Variants in ZNRD2 observed in about 807,000 individuals in gnomAD.
ZNRD2 encodes protein ZNRD2.
ZNRD2 carries 16 observed loss-of-function variants against 22.0 expected under a neutral mutation model. The ratio of observed to expected loss-of-function variants is 0.73; its 90% CI spans 0.49 to 1.11. The LOEUF (loss-of-function observed/expected upper bound fraction) is 1.11, where lower values mean the gene tolerates loss of function less well. ZNRD2 is among the 50% of genes least tolerant of loss of function. The probability of loss-of-function intolerance (pLI) is 0.00; values close to 1 mark genes in which losing one functional copy is unlikely to be tolerated. For synonymous variants in ZNRD2, 105 were observed against 109.8 expected, an observed-to-expected ratio of 0.96 and a Z score of 0.27; for missense variants, 269 against 258.9, an observed-to-expected ratio of 1.04 and a Z score of -0.27.
In ZNRD2 at chr11:65,570,740, G is replaced by C; in HGVS notation, c.156G>C (p.Thr52=). ...LLRGYRMLGE[T]CADCGTILLQ... is the part of the protein sequence containing the mutation. ...GCGGTTACCGCATGCTGGGCGAGAC[G>C]TGTGCGGACTGCGGGGTGAGGCGAG... Residue 52 remains threonine (T), a synonymous_variant, in exon 2 of 4, where the codon ACG becomes ACC. Transcript: ENST00000309328. 1 of 1,613,844 alleles carries C rather than the reference G, an allele frequency of 6.2e-7. No homozygotes were observed. Among genetic ancestry groups the C allele is most frequent in the Non-Finnish European group, 8.5e-7 (1 of 1,179,912 alleles).
chr11:65,571,598 C>G lies in ZNRD2; in HGVS notation c.464C>G (p.Thr155Arg). ...ACAGATGTCATGGCCTGCACACAGA[C>G]AGCCCTCTTGCAGAAGCTGACCTGG... ...PNTDVMACTQ[T>R]ALLQKLTWAS... The change falls in exon 4 of 4, where the codon ACA becomes AGA. Residue 155 changes from threonine (T) to arginine (R), a missense_variant. Coordinates refer to ENST00000309328, the MANE Select transcript of ZNRD2 (RefSeq NM_006396.3). 1 of 1,614,124 alleles carries G rather than the reference C, an allele frequency of 6.2e-7. No homozygotes were observed. The highest frequency in any genetic ancestry group is 8.5e-7 in the Non-Finnish European group (1 of 1,180,038).
chr11:65,571,498 C>A lies in ZNRD2; in HGVS notation c.364C>A (p.Pro122Thr). 6.2e-7 allele frequency: 1 copy of A among 1,613,886 alleles called. No individual in the cohort carries two copies. The highest frequency in any genetic ancestry group is 1.1e-5 in the South Asian group (1 of 91,092). Residue 122 changes from proline to threonine, a missense_variant, in exon 4 of 4, where the codon CCG becomes ACG. Transcript: ENST00000309328. ...TGCGCCCCAGCCCCCAGTACCTCGT[C>A]CGGAGCACTGTGAGGGAGCTGCAGC... ...RPAPQPPVPRPEHCEGAAAGL... is the reference protein window; with the variant it reads ...RPAPQPPVPRTEHCEGAAAGL...
intron 2 of ZNRD2, 33 bp downstream of exon 2, chr11:65,570,788 G>C: frequency 6.2e-7 from 1 of 1,612,614 alleles, no homozygotes; most frequent in South Asian, 1.1e-5. Context: ...GACCGGGGAT[G>C]GGTCCGCGGG....
Position 65,570,956 on chromosome 11 carries a change from A to G in ZNRD2, c.242A>G (p.Asp81Gly). ...TGTCAGGAACTCGACTCAGACGTGGATAAAGATAATCCCGGTAAGAGTAAA... is the reference window on the plus strand; with the variant it reads ...TGTCAGGAACTCGACTCAGACGTGGGTAAAGATAATCCCGGTAAGAGTAAA... ...VACQELDSDVDKDNPALNAQA... is the reference protein window; with the variant it reads ...VACQELDSDVGKDNPALNAQA... The change falls in exon 3 of 4, where the codon GAT (aspartate) becomes GGT (glycine). Residue 81 changes from aspartate to glycine, a missense_variant. By Grantham distance (94) the Asp-to-Gly change is moderately conservative (BLOSUM62 -1). Coordinates refer to ENST00000309328, the MANE Select transcript of ZNRD2 (RefSeq NM_006396.3). The G allele has an allele frequency of 6.2e-7, 1 of 1,614,130 alleles. No homozygotes were observed. Among genetic ancestry groups the G allele is most frequent in the Non-Finnish European group, 8.5e-7 (1 of 1,179,982 alleles).
At position 65,571,285 on chromosome 11, in the gene ZNRD2, G is replaced by A. The variant is rs985654170; in HGVS notation, c.257-106G>A. ...GGATGAGTTGCCTTATAGAGGGACA[G>A]GGAAAACACCTCAAGCACAGAAAGA... is the stretch of plus-strand genomic sequence containing the variant. On this transcript the variant is annotated intron_variant, in intron 3 of 3. Coordinates refer to ENST00000309328, the MANE Select transcript of ZNRD2 (RefSeq NM_006396.3). 1.1e-5 allele frequency: 15 copies of A among 1,410,904 alleles called. No individual in the cohort carries two copies. In the African/African-American group the frequency reaches 2.0e-4, roughly 19 times the overall value. The allele number at this position is 1,410,904 out of a possible 1,614,324, so 87.4% of individuals were successfully genotyped here.
chr11:65,571,262 A>G (rs1857120029), intron 3 of ZNRD2, 129 bp from the exon 4 acceptor site: 2 of 1,182,210 alleles, frequency 1.7e-6, no homozygotes, highest in African/African-American at 3.1e-5. Flanking sequence ...TAGAAAGTGG[A>G]TGAGTTGCCT....
chr11:65,570,522 G>A lies in ZNRD2; in HGVS notation c.19+12G>A, dbSNP rs758107003. ...CCTGAACGGAGCTGGTGAGGACCTG[G>A]GCGGCAGGGGTTTGTGGCTGTGAGG... On this transcript the variant is annotated intron_variant, in intron 1 of 3. Coordinates refer to ENST00000309328, the MANE Select transcript of ZNRD2 (RefSeq NM_006396.3). 1.2e-6 allele frequency: 2 copies of A among 1,613,992 alleles called. No homozygotes were observed. The highest frequency in any genetic ancestry group is 1.7e-4 in the Middle Eastern group (1 of 6,046).
In ZNRD2 at chr11:65,571,756, C is replaced by T. The variant is rs779371920; in HGVS notation, c.*22C>T. 1.3e-6 allele frequency: 2 copies of T among 1,556,168 alleles called. No individual in the cohort carries two copies. The highest frequency in any genetic ancestry group is 2.0e-5 in the Admixed American group (1 of 50,896). On this transcript the variant is annotated 3_prime_UTR_variant, in exon 4 of 4. Transcript: ENST00000309328. ...CTAAGAGAAGCCCCTGAGAAAAACC[C>T]TCTAGAAAAACAGCTGTTCCTCTGT...
At chr11:65,571,010 C>A in intron 3 of ZNRD2, 40 bp downstream of exon 3, 2 of 1,576,660 alleles carry the variant, frequency 1.3e-6, no homozygotes, top group Non-Finnish European at 1.7e-6. Flanking sequence ...GCCGGATATG[C>A]TTAGGGGGGA....
Position 65,571,403 on chromosome 11 carries a change from AGGCTGCCCT to A in ZNRD2, c.270_278del (p.Gln90_Leu93delinsHis). On this transcript the variant is annotated inframe_deletion, in exon 4 of 4. Coordinates refer to ENST00000309328, the MANE Select transcript of ZNRD2 (RefSeq NM_006396.3). ...CTCCTCTTTTTAGCTCTGAATGCCC[AGGCTGCCCT>A]CTCCCAAGCTCGGGAGCACCAGCTG... 6.3e-7 allele frequency: 1 copy of A among 1,597,624 alleles called. No homozygotes were observed. The highest frequency in any genetic ancestry group is 1.1e-5 in the South Asian group (1 of 90,106).
chr11:65,571,784 G>T lies in ZNRD2; in HGVS notation c.*50G>T. The T allele has an allele frequency of 1.3e-6, 2 of 1,493,374 alleles. No individual in the cohort carries two copies. The highest frequency in any genetic ancestry group is 2.7e-5 in the South Asian group (2 of 74,834). 92.5% of individuals were successfully genotyped at this position (1,493,374 alleles called of 1,614,324 possible). A position where few individuals can be genotyped will look rare whatever the true frequency, so the allele number is the denominator to read the frequency against. On this transcript the variant is annotated 3_prime_UTR_variant, in exon 4 of 4. Coordinates refer to ENST00000309328, the MANE Select transcript of ZNRD2 (RefSeq NM_006396.3). ...TAGAAAAACAGCTGTTCCTCTGTGT[G>T]GTTTGTTTTTTTCCTGGTTCCAAGT...
intron 3 of ZNRD2, 72 bp from the exon 4 acceptor site, chr11:65,571,319 G>C: frequency 6.6e-7 from 1 of 1,507,066 alleles, no homozygotes; most frequent in Non-Finnish European, 8.9e-7. Flanking sequence ...GAGCAGAGCA[G>C]AAAAGGAGAT....
chr11:65,570,860 G>C, intron 2 of ZNRD2, 26 bp from the exon 3 acceptor site: 1 of 1,613,984 alleles, frequency 6.2e-7, no homozygotes, highest in Non-Finnish European at 8.5e-7. Context: ...GTCTCATTCC[G>C]GCCCCGTGTG....
rs1163736532 is a variant in ZNRD2, at chr11:65,570,990, C to T, written c.256+20C>T. On this transcript the variant is annotated intron_variant, in intron 3 of 3. Transcript: ENST00000309328. The stretch of plus-strand genomic sequence containing the variant: ...ATCCCGGTAAGAGTAAAAAATAATC[C>T]GGGAGAGGGGCCGGATATGCTTAGG... 11 of 1,609,670 alleles carry T rather than the reference C, an allele frequency of 6.8e-6. No homozygotes were observed. The highest frequency in any genetic ancestry group is 1.3e-5 in the African/African-American group (1 of 74,794).
intron 3 of ZNRD2, 54 bp from the exon 4 acceptor site, chr11:65,571,337 G>A: frequency 6.5e-7 from 1 of 1,532,534 alleles, no homozygotes. Flanking sequence ...GATGGCTCAG[G>A]GCTGAGGTGG....
intron 3 of ZNRD2, 44 bp from the exon 4 acceptor site, chr11:65,571,347 G>C: frequency 6.5e-7 from 1 of 1,538,016 alleles, no homozygotes. Flanking sequence ...GGCTGAGGTG[G>C]GCCAGGCATC....
In ZNRD2 at chr11:65,571,789, GTTT is replaced by G; in HGVS notation, c.*60_*62del. 6.7e-7 allele frequency: 1 copy of G among 1,484,778 alleles called. No individual in the cohort carries two copies. Among genetic ancestry groups the G allele is most frequent in the Non-Finnish European group, 9.0e-7 (1 of 1,116,662 alleles). The allele number at this position is 1,484,778 out of a possible 1,614,324, so 92.0% of individuals were successfully genotyped here. A position where few individuals can be genotyped will look rare whatever the true frequency, so the allele number is the denominator to read the frequency against. ...AAACAGCTGTTCCTCTGTGTGGTTTGTTTTTTTCCTGGTTCCAAGTGTGCATGC... is the reference window on the plus strand; with the variant it reads ...AAACAGCTGTTCCTCTGTGTGGTTTGTTTTCCTGGTTCCAAGTGTGCATGC... On this transcript the variant is annotated 3_prime_UTR_variant, in exon 4 of 4. Transcript: ENST00000309328.
intron 2 of ZNRD2, 36 bp from the exon 3 acceptor site, chr11:65,570,850 G>C: frequency 6.2e-7 from 1 of 1,613,704 alleles, no homozygotes; most frequent in Admixed American, 1.7e-5. Flanking sequence ...CATTGCCGGC[G>C]TCTCATTCCG....
At position 65,571,425 on chromosome 11, in the gene ZNRD2, G is replaced by C; in HGVS notation, c.291G>C (p.Arg97=). ...LNAQAALSQA[R]EHQLASASEL... Reference sequence around the variant, plus strand: ...CCCAGGCTGCCCTCTCCCAAGCTCGGGAGCACCAGCTGGCCTCAGCCTCAG... The same window carrying C: ...CCCAGGCTGCCCTCTCCCAAGCTCGCGAGCACCAGCTGGCCTCAGCCTCAG... The change falls in exon 4 of 4, where the codon CGG becomes CGC. Residue 97 remains arginine, a synonymous_variant. Transcript: ENST00000309328. 1.9e-6 allele frequency: 3 copies of C among 1,608,694 alleles called. No individual in the cohort carries two copies. The highest frequency in any genetic ancestry group is 2.6e-6 in the Non-Finnish European group (3 of 1,176,436).
Sources: gnomAD v4.1 joint callset for allele counts on GRCh38, gnomAD v4.1.1 for gene constraint, MANE v1.5 for transcripts, NCBI Gene and HGNC (gene_info 2026-07-23, HGNC 2026-07-21) for gene names.